ROBO2: variants seen among roughly 807,000 people sequenced by gnomAD.
ROBO2 encodes the protein roundabout homolog 2.
ROBO2 carries 53 observed loss-of-function variants against 160.8 expected under a neutral mutation model. The ratio of observed to expected loss-of-function variants is 0.33; its 90% CI spans 0.26 to 0.41. The LOEUF is 0.41. ROBO2 is among the 10% of genes least tolerant of loss of function. The pLI is 1.00. For synonymous variants in ROBO2, 664 were observed against 611.7 expected (o/e 1.09, Z -1.26); for missense variants, 1,577 against 1,722.4 (o/e 0.92, Z 1.49).
rs188777848 is a variant in ROBO2 at position 76,107,089 on chromosome 3, A to G, written c.109+169487A>G. Among the ~76,000 whole-genome samples, 23 of 152,272 alleles carry G rather than the reference A, an allele frequency of 1.5e-4. No individual in the cohort carries two copies. The South Asian group carries it at 4.1e-3, about 27-fold the overall frequency. On this transcript the variant is annotated intron_variant, in intron 2 of 26. Coordinates refer to the ROBO2 transcript ENST00000487694. ...AAAACTTTCTGCATCACATTTGTATAGCTTTCAAAAACATTCTCATTTGAA... is the reference window on the plus strand; with the variant it reads ...AAAACTTTCTGCATCACATTTGTATGGCTTTCAAAAACATTCTCATTTGAA...
chr3:76,086,743 A>G (rs540102199), intron 2 of ROBO2, among the ~76,000 whole-genome samples: 2 of 152,314 alleles, frequency 1.3e-5, no homozygotes, highest in South Asian at 4.1e-4. Flanking sequence ...TTATTAGACA[A>G]GAAATTTTTT....
At chr3:76,532,323 G>A (rs1406778964) in intron 2 of ROBO2, among the ~76,000 whole-genome samples, 3 of 152,060 alleles carry the variant, frequency 2.0e-5, no homozygotes, top group Admixed American at 6.5e-5. Flanking sequence ...TGATTTCCTC[G>A]GCAGCCTTAG....
intron 2 of ROBO2, among the ~76,000 whole-genome samples, chr3:76,687,563 C>T (rs998236840): frequency 1.3e-5 from 2 of 151,894 alleles, no homozygotes; most frequent in Non-Finnish European, 2.9e-5. Context: ...CTCAGGAAAA[C>T]AGTCCTCTAG....
At chr3:76,058,486 T>G (rs554508038) in intron 2 of ROBO2, among the ~76,000 whole-genome samples, 1 of 152,150 alleles carries the variant, frequency 6.6e-6, no homozygotes. Context: ...ACCTAGTGTA[T>G]AGTTATAAAA....
intron 2 of ROBO2, among the ~76,000 whole-genome samples, chr3:75,943,847 T>C (rs200900907): frequency 6.6e-6 from 1 of 151,822 alleles, no homozygotes; most frequent in African/African-American, 2.4e-5. Context: ...ATTACAGGTA[T>C]GCATCACCAC....
intron 2 of ROBO2, among the ~76,000 whole-genome samples, chr3:76,861,974 C>T (rs1342076057): frequency 6.6e-6 from 1 of 152,098 alleles, no homozygotes; most frequent in African/African-American, 2.4e-5. Flanking sequence ...CAGTTCTCTG[C>T]TCTTCTTTTC....
intron 2 of ROBO2, among the ~76,000 whole-genome samples, chr3:77,150,447 T>C (rs1197860533): frequency 1.3e-5 from 2 of 152,212 alleles, no homozygotes; most frequent in Admixed American, 6.5e-5. Flanking sequence ...TTTGACAATA[T>C]TTTTGGTAAT....
Position 76,869,340 on chromosome 3 carries a change from A to ATCT in ROBO2, c.110-228673_110-228672insCTT, listed in dbSNP as rs1178461363. 6.1e-3 allele frequency among the ~76,000 whole-genome samples: 656 copies of ATCT among 108,034 alleles called. 34 individuals carry two copies. Among genetic ancestry groups the ATCT allele is most frequent in the African/African-American group, 0.02 (565 of 27,934 alleles). 70.9% of individuals were successfully genotyped at this position (108,034 alleles called of 152,430 possible). ...TATTTTATGTGCCTAGTAGAAATTG[A>ATCT]TGTTTTTTTTTTTTTTTTTTTTTTT... On this transcript the variant is annotated intron_variant, in intron 2 of 26. Transcript: ENST00000487694.
chr3:75,989,381 G>A (rs1272694398), intron 2 of ROBO2, among the ~76,000 whole-genome samples: 1 of 152,152 alleles, frequency 6.6e-6, no homozygotes, highest in African/African-American at 2.4e-5. Flanking sequence ...CTCCCAAAGT[G>A]CTGGGATTAC....
chr3:76,415,711 C>T (rs57775886), intron 2 of ROBO2, among the ~76,000 whole-genome samples: 10 of 152,108 alleles, frequency 6.6e-5, no homozygotes, highest in Admixed American at 1.3e-4. Flanking sequence ...TATAAATATG[C>T]GTAGGTATAT....
In ROBO2 at chr3:77,434,735, A is replaced by G. The variant is rs34614788; in HGVS notation, c.389-42679A>G. Among the ~76,000 whole-genome samples, 584 of 152,284 alleles carry G rather than the reference A, an allele frequency of 3.8e-3. 3 individuals are homozygous for G. Among genetic ancestry groups the G allele is most frequent in the Middle Eastern group, 0.021 (6 of 292 alleles). ...AGCTACTGGATCCTAGGTAAGGAAG[A>G]GCAAATCAATATGTAACAGTGTTTT... On this transcript the variant is annotated intron_variant, in intron 2 of 25. Transcript: ENST00000461745.
At position 77,472,486 on chromosome 3, in the gene ROBO2, G is replaced by A. The variant is rs78490169; in HGVS notation, c.389-4928G>A. 9.9e-3 allele frequency among the ~76,000 whole-genome samples: 1,506 copies of A among 152,128 alleles called. 27 individuals are homozygous for A. Among genetic ancestry groups the A allele is most frequent in the African/African-American group, 0.034 (1,398 of 41,494 alleles). On this transcript the variant is annotated intron_variant, in intron 2 of 25. Transcript: ENST00000461745. The stretch of plus-strand genomic sequence containing the variant: ...TTCCAAAATAATTTCCTAAGTCATG[G>A]TGCATCCCAATGTAAAAAAACATGC...
Position 76,851,741 on chromosome 3 carries a change from CAA to C in ROBO2, c.110-246250_110-246249del, listed in dbSNP as rs71104629. Among the ~76,000 whole-genome samples, 55 of 63,242 alleles carry C rather than the reference CAA, an allele frequency of 8.7e-4. 1 individual carries two copies. Among genetic ancestry groups the C allele is most frequent in the African/African-American group, 1.5e-3 (23 of 15,690 alleles). The allele number at this position is 63,242 out of a possible 152,430, so 41.5% of individuals were successfully genotyped here. ...TGGGCGACAGAGCGAGACTCCGTCT[CAA>C]AAAAAAAAAAAAAAAAAAAAAATAT... On this transcript the variant is annotated intron_variant, in intron 2 of 26. Coordinates refer to the ROBO2 transcript ENST00000487694.
chr3:77,110,877 C>A (rs527810381), intron 2 of ROBO2, among the ~76,000 whole-genome samples: 2 of 151,890 alleles, frequency 1.3e-5, no homozygotes, highest in African/African-American at 4.8e-5. Flanking sequence ...TACTTTTTGT[C>A]GAGATGGGGT....
chr3:76,241,335 A>T (rs1169634634), intron 2 of ROBO2, among the ~76,000 whole-genome samples: 1 of 152,264 alleles, frequency 6.6e-6, no homozygotes, highest in East Asian at 1.9e-4. Context: ...CAAACAAACG[A>T]CGATGTCAAA....
intron 2 of ROBO2, among the ~76,000 whole-genome samples, chr3:76,756,389 A>C (rs1235854995): frequency 1.3e-5 from 2 of 151,930 alleles, no homozygotes; most frequent in East Asian, 3.9e-4. Context: ...AATTTAAAAA[A>C]GTAACCTAGA....
At chr3:76,528,349 A>C (rs2108009186) in intron 2 of ROBO2, among the ~76,000 whole-genome samples, 1 of 152,242 alleles carries the variant, frequency 6.6e-6, no homozygotes, top group East Asian at 1.9e-4. Context: ...AACCCAGGGA[A>C]GATGACAGTG....
In ROBO2 at chr3:77,244,645, C is replaced by T. The variant is rs954015295; in HGVS notation, c.388+146305C>T. 8.6e-5 allele frequency among the ~76,000 whole-genome samples: 13 copies of T among 151,844 alleles called. No individual in the cohort carries two copies. In the South Asian group the frequency reaches 1.9e-3, roughly 22 times the overall value. ...CTGTAATCCCAGCAGTTTGGGAGGC[C>T]GAGGTGGGAGGATCACAAGGTCAGG... On this transcript the variant is annotated intron_variant, in intron 2 of 25. Transcript: ENST00000461745.
chr3:76,401,102 T>A (rs1337129808), intron 2 of ROBO2, among the ~76,000 whole-genome samples: 1 of 151,568 alleles, frequency 6.6e-6, no homozygotes, highest in Admixed American at 6.6e-5. Context: ...TTGCCTGTTT[T>A]CTTCTCCTCT....
Sources: allele counts gnomAD v4.1 joint callset (sites outside exome capture counted in the v4.1 genomes callset), GRCh38; gene constraint gnomAD v4.1.1; transcripts MANE v1.5; gene names NCBI Gene and HGNC (gene_info 2026-07-23, HGNC 2026-07-21).